The following EPB41L4A variants were observed in gnomAD, a reference collection of about 807,000 sequenced individuals.
EPB41L4A encodes band 4.1-like protein 4A.
Under a neutral mutation model 108.6 loss-of-function variants are expected in EPB41L4A, and 100 were observed. The observed-to-expected ratio is 0.92, with a 90% CI of 0.78 to 1.09. The LOEUF (loss-of-function observed/expected upper bound fraction) is 1.09. Ranked by LOEUF, EPB41L4A falls within the 50% of genes least tolerant of loss-of-function variation. The pLI is 0.00. For synonymous variants in EPB41L4A, 319 were observed against 289.0 expected (o/e 1.10, Z -1.05); for missense variants, 1,030 against 842.7 (o/e 1.22, Z -2.75).
At chr5:112,279,821 A>G (rs567218730) in intron 3 of EPB41L4A, among the ~76,000 whole-genome samples, 40 of 152,208 alleles carry the variant, frequency 2.6e-4, no homozygotes, top group African/African-American at 9.6e-4. Context: ...TCAGATCACA[A>G]AGGCACCTCT....
At chr5:112,200,701 C>T (rs1762177227) in intron 15 of EPB41L4A, among the ~76,000 whole-genome samples, 1 of 152,186 alleles carries the variant, frequency 6.6e-6, no homozygotes, top group South Asian at 2.1e-4. Context: ...AACGTTTAAA[C>T]AAGCAGGCTT....
intron 12 of EPB41L4A, among the ~76,000 whole-genome samples, chr5:112,148,357 AT>A (rs1322516369): frequency 2.0e-5 from 3 of 151,390 alleles, no homozygotes; most frequent in African/African-American, 7.3e-5. Flanking sequence ...AAATGTGAAT[AT>A]TTTAAAATTA....
intron 15 of EPB41L4A, among the ~76,000 whole-genome samples, chr5:112,197,209 G>A (rs1415865874): frequency 6.6e-6 from 1 of 152,096 alleles, no homozygotes; most frequent in African/African-American, 2.4e-5. Context: ...GACCTACTTT[G>A]AGTCCACATC....
intron 2 of EPB41L4A, among the ~76,000 whole-genome samples, chr5:112,298,560 T>C (rs1373389355): frequency 6.6e-6 from 1 of 152,220 alleles, no homozygotes. Flanking sequence ...GGATTATCTT[T>C]TGTATATGCT....
chr5:112,294,050 ATAC>A (rs778969861), intron 2 of EPB41L4A, among the ~76,000 whole-genome samples: 12 of 152,214 alleles, frequency 7.9e-5, no homozygotes, highest in Non-Finnish European at 1.3e-4. Context: ...CTTTTATTAC[ATAC>A]TACACCACTA....
chr5:112,177,444 C>T (rs1760926385), intron 18 of EPB41L4A, among the ~76,000 whole-genome samples: 1 of 152,188 alleles, frequency 6.6e-6, no homozygotes, highest in South Asian at 2.1e-4. Flanking sequence ...TGATTAACAA[C>T]AGCCTTAATT....
At chr5:112,419,926 GC>G (rs1762994289), upstream of EPB41L4A, 1 of 455,726 alleles carries the variant, frequency 2.2e-6, no homozygotes, top group South Asian at 1.5e-5. Context: ...AAGCGGGGAG[GC>G]GGGGACCTGC....
intron 2 of EPB41L4A, among the ~76,000 whole-genome samples, chr5:112,285,619 G>C (rs1056966534): frequency 6.6e-6 from 1 of 152,168 alleles, no homozygotes; most frequent in Non-Finnish European, 1.5e-5. Context: ...GATCTACAGG[G>C]AGGGAGAGAT....
intron 9 of EPB41L4A, among the ~76,000 whole-genome samples, chr5:112,258,532 TAATATGTGGTTTACACTAGTAGCA>T (rs1455607466): frequency 5.3e-5 from 8 of 152,208 alleles, no homozygotes; most frequent in Admixed American, 2.6e-4. Flanking sequence ...ATGTATCCCA[TAATATGTGGTTTACACTAGTAGCA>T]CTTCAATGAA....
intron 2 of EPB41L4A, among the ~76,000 whole-genome samples, chr5:112,286,933 A>G (rs1426791592): frequency 6.6e-6 from 1 of 151,882 alleles, no homozygotes. Flanking sequence ...ATTTACTGCA[A>G]TTACCTCCAC....
chr5:112,411,132 C>A (rs984269000), intron 1 of EPB41L4A, among the ~76,000 whole-genome samples: 7 of 152,052 alleles, frequency 4.6e-5, no homozygotes, highest in African/African-American at 1.7e-4. Context: ...CTTGGAAGCA[C>A]AGGAAGATAA....
At chr5:112,388,894 C>A (rs1201294372) in intron 1 of EPB41L4A, among the ~76,000 whole-genome samples, 3 of 152,186 alleles carry the variant, frequency 2.0e-5, no homozygotes, top group African/African-American at 7.2e-5. Context: ...AGTTTCCAAG[C>A]CCATTAACTC....
chr5:112,241,807 T>A, intron 9 of EPB41L4A, among the ~76,000 whole-genome samples: 1 of 152,234 alleles, frequency 6.6e-6, no homozygotes, highest in East Asian at 1.9e-4. Flanking sequence ...TAGGTTCAGC[T>A]GCAGACTACT....
At chr5:112,184,931 T>C (rs1011261149) in intron 17 of EPB41L4A, among the ~76,000 whole-genome samples, 4 of 152,178 alleles carry the variant, frequency 2.6e-5, no homozygotes, top group Admixed American at 1.3e-4. Flanking sequence ...AAGCATGATA[T>C]AGACTTAACA....
chr5:112,251,990 G>T (rs549121378), intron 9 of EPB41L4A, among the ~76,000 whole-genome samples: 34 of 152,092 alleles, frequency 2.2e-4, no homozygotes, highest in African/African-American at 8.2e-4. Context: ...CCACTTTAGT[G>T]GTCTGACCAA....
intron 4 of EPB41L4A, among the ~76,000 whole-genome samples, chr5:112,271,555 C>T (rs1752262554): frequency 6.6e-6 from 1 of 152,198 alleles, no homozygotes; most frequent in Admixed American, 6.5e-5. Context: ...AGCAAGGATG[C>T]AGACCTCACT....
intron 4 of EPB41L4A, among the ~76,000 whole-genome samples, chr5:112,270,494 G>A (rs1042226637): frequency 6.6e-6 from 1 of 152,170 alleles, no homozygotes; most frequent in Non-Finnish European, 1.5e-5. Flanking sequence ...TGGCACATAT[G>A]ACTCAGCAGA....
intron 15 of EPB41L4A, among the ~76,000 whole-genome samples, chr5:112,204,104 A>T (rs548537922): frequency 4.7e-4 from 71 of 150,694 alleles, no homozygotes; most frequent in African/African-American, 1.6e-3. Flanking sequence ...TTTTTATTAT[A>T]TATTATATAC....
intron 12 of EPB41L4A, among the ~76,000 whole-genome samples, chr5:112,149,565 C>G (rs1443235619): frequency 6.6e-6 from 1 of 152,248 alleles, no homozygotes; most frequent in East Asian, 1.9e-4. Flanking sequence ...GTTGAAAAAG[C>G]AGGATTAGTG....
Sources: gnomAD v4.1 joint callset for allele counts (sites outside exome capture counted in the v4.1 genomes callset) on GRCh38, gnomAD v4.1.1 for gene constraint, MANE v1.5 for transcripts, NCBI Gene and HGNC (gene_info 2026-07-23, HGNC 2026-07-21) for gene names.